Variants in GTF2E1 observed in about 807,000 individuals in gnomAD.
The protein encoded by GTF2E1 is general transcription factor IIE subunit 1.
In GTF2E1, 14 loss-of-function variants were observed where a neutral mutation model predicts 34.9. The observed-to-expected ratio is 0.40, with a 90% confidence interval of 0.27 to 0.63. The LOEUF (loss-of-function observed/expected upper bound fraction) is 0.63. Ranked by LOEUF, GTF2E1 falls within the 20% of genes least tolerant of loss-of-function variation. GTF2E1 has a pLI of 0.39. For missense variants in GTF2E1, 469 were observed against 557.7 expected, an observed-to-expected ratio of 0.84 and a Z score of 1.60; for synonymous variants, 188 against 192.9, an observed-to-expected ratio of 0.97 and a Z score of 0.21.
intron 2 of GTF2E1, among the ~76,000 whole-genome samples, chr3:120,769,281 G>T (rs1345961054): frequency 6.6e-6 from 1 of 150,454 alleles, no homozygotes; most frequent in Non-Finnish European, 1.5e-5. Context: ...TAATCTTTAT[G>T]TTCGTGACCA....
intron 2 of GTF2E1, among the ~76,000 whole-genome samples, chr3:120,762,118 A>G (rs1206070713): frequency 1.3e-5 from 2 of 152,138 alleles, no homozygotes; most frequent in Non-Finnish European, 2.9e-5. Flanking sequence ...TTTGTTGCAG[A>G]GTATTTTACT....
intron 2 of GTF2E1, 90 bp from the exon 3 acceptor site, chr3:120,770,638 G>C: frequency 2.2e-6 from 2 of 902,672 alleles, no homozygotes; most frequent in South Asian, 1.4e-5. Context: ...ATATTTGAAA[G>C]TTTTAATAAT....
chr3:120,753,258 C>T (rs1709181210), intron 2 of GTF2E1, among the ~76,000 whole-genome samples: 1 of 151,920 alleles, frequency 6.6e-6, no homozygotes, highest in South Asian at 2.1e-4. Flanking sequence ...CTACTCCCAC[C>T]CCATTATGAA....
At chr3:120,748,769 T>A (rs1183273845) in intron 1 of GTF2E1, among the ~76,000 whole-genome samples, 1 of 152,202 alleles carries the variant, frequency 6.6e-6, no homozygotes, top group Non-Finnish European at 1.5e-5. Context: ...TTAAAGTAGT[T>A]TTTTCCAATT....
At chr3:120,753,043 T>C (rs1709179076) in intron 2 of GTF2E1, among the ~76,000 whole-genome samples, 1 of 152,174 alleles carries the variant, frequency 6.6e-6, no homozygotes, top group Non-Finnish European at 1.5e-5. Flanking sequence ...ATTTAGATGC[T>C]CCTTTAAGGA....
At chr3:120,755,022 C>G (rs570676654) in intron 2 of GTF2E1, among the ~76,000 whole-genome samples, 97 of 152,198 alleles carry the variant, frequency 6.4e-4, no homozygotes, top group Non-Finnish European at 9.3e-4. Flanking sequence ...TGACACTTCT[C>G]ATGGAGATTT....
At chr3:120,758,103 T>G (rs1279723322) in intron 2 of GTF2E1, among the ~76,000 whole-genome samples, 2 of 152,154 alleles carry the variant, frequency 1.3e-5, no homozygotes, top group Non-Finnish European at 2.9e-5. Flanking sequence ...GAGGTTGCAG[T>G]GAGCCAAGAT....
chr3:120,768,622 T>A (rs1011267742), intron 2 of GTF2E1, among the ~76,000 whole-genome samples: 1 of 152,210 alleles, frequency 6.6e-6, no homozygotes, highest in African/African-American at 2.4e-5. Flanking sequence ...GGTGCTTATT[T>A]TTCAACAGTC....
chr3:120,776,499 G>T lies in GTF2E1; in HGVS notation c.727G>T (p.Gly243Cys), dbSNP rs1709401520. 1.2e-6 allele frequency: 2 copies of T among 1,613,780 alleles called. No individual in the cohort carries two copies. Among genetic ancestry groups the T allele is most frequent in the Non-Finnish European group, 1.7e-6 (2 of 1,179,896 alleles). Residue 243 changes from glycine (G) to cysteine (C), a missense_variant, in exon 4 of 5, where the codon GGT (glycine) becomes TGT (cysteine). Coordinates refer to ENST00000283875, the MANE Select transcript of GTF2E1 (RefSeq NM_005513.3). ...CCACCGGGAAGCATGGGCCACCAAAGGTCCTTCCTATGAAGACTTATACAC... is the reference window on the plus strand; with the variant it reads ...CCACCGGGAAGCATGGGCCACCAAATGTCCTTCCTATGAAGACTTATACAC... ...GHHREAWATK[G>C]PSYEDLYTQN...
At chr3:120,743,839 A>C (rs549136098) in intron 1 of GTF2E1, among the ~76,000 whole-genome samples, 1 of 152,332 alleles carries the variant, frequency 6.6e-6, no homozygotes, top group South Asian at 2.1e-4. Context: ...GACAGAGGGC[A>C]GAGGGTGCCT....
In GTF2E1 at chr3:120,782,615, G is replaced by A. The variant is rs1281060995; in HGVS notation, c.*1145G>A. 6.6e-6 allele frequency: 1 copy of A among 152,124 alleles called. No homozygotes were observed. The highest frequency in any genetic ancestry group is 1.5e-5 in the Non-Finnish European group (1 of 68,028). The allele number at this position is 152,124 out of a possible 1,614,324, so 9.4% of individuals were successfully genotyped here. A position where few individuals can be genotyped will look rare whatever the true frequency, so the allele number is the denominator to read the frequency against. ...GACTGGTCCTGGTTTTGTTCCCTTTGGGTACAGACCTCTTGTCAGTGCTAT... is the reference window on the plus strand; with the variant it reads ...GACTGGTCCTGGTTTTGTTCCCTTTAGGTACAGACCTCTTGTCAGTGCTAT... On this transcript the variant is annotated 3_prime_UTR_variant, in exon 5 of 5. Transcript: ENST00000283875.
intron 2 of GTF2E1, among the ~76,000 whole-genome samples, chr3:120,762,804 A>G (rs1709275662): frequency 6.6e-6 from 1 of 152,198 alleles, no homozygotes; most frequent in South Asian, 2.1e-4. Flanking sequence ...GTAAAATGAT[A>G]CGTTCATCCT....
intron 4 of GTF2E1, 118 bp from the exon 5 acceptor site, chr3:120,780,925 C>T: frequency 1.5e-6 from 1 of 679,852 alleles, no homozygotes; most frequent in South Asian, 2.4e-5. Context: ...AAAAATGGAA[C>T]CAGTGAAGTC....
intron 2 of GTF2E1, among the ~76,000 whole-genome samples, chr3:120,765,664 C>T (rs1186584912): frequency 1.3e-5 from 2 of 152,190 alleles, no homozygotes; most frequent in Non-Finnish European, 2.9e-5. Flanking sequence ...AACTTAACGC[C>T]TCTTAAGCGT....
intron 2 of GTF2E1, among the ~76,000 whole-genome samples, chr3:120,751,261 C>G (rs1345258359): frequency 6.6e-6 from 1 of 152,170 alleles, no homozygotes; most frequent in Admixed American, 6.5e-5. Context: ...TTGTTTACAA[C>G]TGCAGCCTAA....
Position 120,776,457 on chromosome 3 carries a change from A to G in GTF2E1, c.685A>G (p.Ser229Gly). ...DHAATTAGAASLAGGHHREAW... is the reference protein window; with the variant it reads ...DHAATTAGAAGLAGGHHREAW... Reference sequence around the variant, plus strand: ...TGCAGCAACTACTGCTGGAGCTGCTAGCCTAGCAGGTGGGCACCACCGGGA... The same window carrying G: ...TGCAGCAACTACTGCTGGAGCTGCTGGCCTAGCAGGTGGGCACCACCGGGA... Residue 229 changes from serine (S) to glycine (G), a missense_variant, in exon 4 of 5, where the codon AGC (serine) becomes GGC (glycine). Ser to Gly is a moderately conservative substitution (Grantham distance 56, BLOSUM62 0). Coordinates refer to ENST00000283875, the MANE Select transcript of GTF2E1 (RefSeq NM_005513.3). 13 of 1,613,074 alleles carry G rather than the reference A, an allele frequency of 8.1e-6. No individual in the cohort carries two copies. The highest frequency in any genetic ancestry group is 1.1e-5 in the South Asian group (1 of 91,064).
intron 3 of GTF2E1, among the ~76,000 whole-genome samples, chr3:120,772,256 A>C (rs1387561040): frequency 6.6e-6 from 1 of 152,278 alleles, no homozygotes; most frequent in South Asian, 2.1e-4. Flanking sequence ...TTTTATATGC[A>C]TATTTCTAAA....
intron 4 of GTF2E1, among the ~76,000 whole-genome samples, chr3:120,780,162 T>G (rs1400119348): frequency 1.3e-5 from 2 of 152,166 alleles, no homozygotes; most frequent in Non-Finnish European, 2.9e-5. Context: ...CCTAACAGAG[T>G]GGCAGGTACT....
chr3:120,763,446 G>A (rs908751614), intron 2 of GTF2E1, among the ~76,000 whole-genome samples: 1 of 152,154 alleles, frequency 6.6e-6, no homozygotes, highest in Non-Finnish European at 1.5e-5. Flanking sequence ...GGGGAAAACG[G>A]TGTCTAAATA....
Sources: allele counts gnomAD v4.1 joint callset (sites outside exome capture counted in the v4.1 genomes callset), GRCh38; gene constraint gnomAD v4.1.1; transcripts MANE v1.5; gene names NCBI Gene and HGNC (gene_info 2026-07-23, HGNC 2026-07-21).